The following ADGRL3 variants were observed in gnomAD, a reference collection of about 807,000 sequenced individuals.
ADGRL3 encodes the protein calcium-independent alpha-latrotoxin receptor 3.
Under a neutral mutation model 153.5 loss-of-function variants are expected in ADGRL3, and 62 were observed. The observed-to-expected ratio is 0.40, with a 90% CI of 0.33 to 0.50. The LOEUF is 0.50. Among genes scored for constraint, ADGRL3 ranks in the 20% least tolerant of loss-of-function variants. The pLI is 0.47. For missense variants in ADGRL3, 1,641 were observed against 1,859.4 expected, an observed-to-expected ratio of 0.88 and a Z score of 2.16; for synonymous variants, 710 against 672.5, an observed-to-expected ratio of 1.06 and a Z score of -0.86.
At position 61,634,124 on chromosome 4, in the gene ADGRL3, G is replaced by C. The variant is rs541611212; in HGVS notation, c.474-42702G>C. Among the ~76,000 whole-genome samples the C allele has an allele frequency of 3.9e-5, 6 of 152,126 alleles. No individual in the cohort carries two copies. The East Asian group carries it at 1.2e-3, about 29-fold the overall frequency. The stretch of plus-strand genomic sequence containing the variant: ...TACTTCGACTTGACATCTATTTTAC[G>C]TACAATCCTAAGTTTATTTTATCTT... On this transcript the variant is annotated intron_variant, in intron 5 of 26. Transcript: ENST00000683033.
In ADGRL3 at chr4:61,536,694, A is replaced by G. The variant is rs74577482; in HGVS notation, c.259+19176A>G. On this transcript the variant is annotated intron_variant, in intron 4 of 26. Transcript: ENST00000683033. The stretch of plus-strand genomic sequence containing the variant: ...TTTAAAGTGTCTTTTAATTGATACA[A>G]GAATAACCATCCCTGCTCTTTTTTG... Among the ~76,000 whole-genome samples, 605 of 152,154 alleles carry G rather than the reference A, an allele frequency of 4.0e-3. 37 individuals carry two copies. In the East Asian group the frequency reaches 0.11, roughly 27 times the overall value.
chr4:61,248,456 T>G lies in ADGRL3; in HGVS notation c.-240+46691T>G, dbSNP rs75010531. On this transcript the variant is annotated intron_variant, in intron 1 of 26. Transcript: ENST00000683033. ...AGGTGTTTTAAAGAACAAATTTCACTGCTATTTTATAATCAGCTCAGCTAA... is the reference window on the plus strand; with the variant it reads ...AGGTGTTTTAAAGAACAAATTTCACGGCTATTTTATAATCAGCTCAGCTAA... Among the ~76,000 whole-genome samples the G allele has an allele frequency of 5.3e-3, 810 of 152,286 alleles. 6 individuals are homozygous for G. Among genetic ancestry groups the G allele is most frequent in the African/African-American group, 0.019 (784 of 41,554 alleles).
chr4:61,843,820 T>G (rs1314360290), intron 9 of ADGRL3, among the ~76,000 whole-genome samples: 1 of 152,018 alleles, frequency 6.6e-6, no homozygotes, highest in Non-Finnish European at 1.5e-5. Flanking sequence ...GAGACAAGCC[T>G]GGGCAACATA....
intron 5 of ADGRL3, among the ~76,000 whole-genome samples, chr4:61,607,723 C>T (rs1397515123): frequency 6.6e-6 from 1 of 152,170 alleles, no homozygotes; most frequent in Non-Finnish European, 1.5e-5. Flanking sequence ...AAAAACTATG[C>T]CTACATTTTT....
intron 2 of ADGRL3, among the ~76,000 whole-genome samples, chr4:61,396,362 G>T (rs1037726104): frequency 6.6e-6 from 1 of 151,622 alleles, no homozygotes; most frequent in African/African-American, 2.4e-5. Context: ...TTTTAAAAAA[G>T]AAATTATTTA....
At chr4:61,831,267 C>G (rs539067887) in intron 9 of ADGRL3, among the ~76,000 whole-genome samples, 16 of 151,894 alleles carry the variant, frequency 1.1e-4, no homozygotes, top group Admixed American at 2.6e-4. Context: ...TTGTCATGAC[C>G]GATGGCACTC....
chr4:61,203,787 T>A (rs1042400244), intron 1 of ADGRL3, among the ~76,000 whole-genome samples: 3 of 152,210 alleles, frequency 2.0e-5, no homozygotes, highest in Admixed American at 6.5e-5. Context: ...TTTATCTGCA[T>A]GTGGATTACA....
chr4:61,659,133 G>C (rs900237845), intron 5 of ADGRL3, among the ~76,000 whole-genome samples: 1 of 152,076 alleles, frequency 6.6e-6, no homozygotes, highest in Non-Finnish European at 1.5e-5. Context: ...CTCTGTATCT[G>C]CATCCAAATT....
At chr4:61,480,543 T>C (rs1364925381) in intron 2 of ADGRL3, among the ~76,000 whole-genome samples, 1 of 152,084 alleles carries the variant, frequency 6.6e-6, no homozygotes, top group African/African-American at 2.4e-5. Flanking sequence ...TCCGGCACTT[T>C]GGGAGGCCGA....
chr4:61,367,437 T>C (rs2096423255), intron 1 of ADGRL3, among the ~76,000 whole-genome samples: 2 of 151,366 alleles, frequency 1.3e-5, no homozygotes, highest in Non-Finnish European at 2.9e-5. Flanking sequence ...CCTTCCTGTG[T>C]CCATGTGTTC....
chr4:61,949,954 A>T (rs1219803889), intron 17 of ADGRL3, among the ~76,000 whole-genome samples: 1 of 152,146 alleles, frequency 6.6e-6, no homozygotes, highest in African/African-American at 2.4e-5. Context: ...TATCTGGTAC[A>T]TATTTCATTG....
intron 1 of ADGRL3, among the ~76,000 whole-genome samples, chr4:61,232,960 C>T (rs1560372888): frequency 6.6e-6 from 1 of 152,128 alleles, no homozygotes; most frequent in Non-Finnish European, 1.5e-5. Flanking sequence ...TCCATGCCAG[C>T]TTAGATGTAG....
At chr4:61,560,562 G>A (rs1174450178) in intron 4 of ADGRL3, among the ~76,000 whole-genome samples, 1 of 152,088 alleles carries the variant, frequency 6.6e-6, no homozygotes, top group Non-Finnish European at 1.5e-5. Context: ...CCTGCCTTTG[G>A]AGGTCATTAA....
chr4:61,996,223 G>C (rs17226398), intron 19 of ADGRL3, 68 bp from the exon 20 acceptor site: 223,351 of 926,488 alleles, frequency 0.24, 28,080 homozygotes, highest in East Asian at 0.39. Flanking sequence ...CTCTGTCACA[G>C]GTTCACTCTT....
At chr4:61,299,008 T>C (rs1247310663) in intron 1 of ADGRL3, among the ~76,000 whole-genome samples, 1 of 152,190 alleles carries the variant, frequency 6.6e-6, no homozygotes, top group Non-Finnish European at 1.5e-5. Context: ...AGATTCTACT[T>C]TTGCAAATGA....
intron 17 of ADGRL3, among the ~76,000 whole-genome samples, chr4:61,966,094 C>T (rs1195381886): frequency 6.6e-6 from 1 of 151,978 alleles, no homozygotes; most frequent in South Asian, 2.1e-4. Context: ...AATAAATATT[C>T]TTTTTTTCTG....
intron 2 of ADGRL3, among the ~76,000 whole-genome samples, chr4:61,388,046 G>T (rs776243665): frequency 2.6e-5 from 4 of 152,096 alleles, no homozygotes; most frequent in Non-Finnish European, 4.4e-5. Flanking sequence ...TGGGGTCCCT[G>T]ACTTCCCACA....
At chr4:61,871,504 A>G (rs1027199056) in intron 9 of ADGRL3, among the ~76,000 whole-genome samples, 5 of 152,164 alleles carry the variant, frequency 3.3e-5, no homozygotes, top group African/African-American at 1.2e-4. Context: ...GCTAAGTGAC[A>G]TAAGCCGGTC....
intron 1 of ADGRL3, among the ~76,000 whole-genome samples, chr4:61,312,113 C>A (rs562735054): frequency 6.6e-6 from 1 of 152,022 alleles, no homozygotes; most frequent in South Asian, 2.1e-4. Flanking sequence ...GAAATAGGCC[C>A]ACAAATATAG....
Sources: allele counts gnomAD v4.1 joint callset (sites outside exome capture counted in the v4.1 genomes callset), GRCh38; gene constraint gnomAD v4.1.1; transcripts MANE v1.5; gene names NCBI Gene and HGNC (gene_info 2026-07-23, HGNC 2026-07-21).